UBTD2: variants seen among roughly 807,000 people sequenced by gnomAD.
UBTD2 encodes ubiquitin domain-containing protein 2.
In UBTD2, 9 loss-of-function variants were observed where a neutral mutation model predicts 19.8. The observed-to-expected ratio is 0.46, with a 90% CI of 0.27 to 0.79. UBTD2 has a LOEUF of 0.79. UBTD2 is among the 30% of genes least tolerant of loss of function. The probability of loss-of-function intolerance (pLI) is 0.14; values close to 1 mark genes in which losing one functional copy is unlikely to be tolerated. For synonymous variants in UBTD2, 98 were observed against 103.9 expected (o/e 0.94, Z 0.35); for missense variants, 250 against 300.4 (o/e 0.83, Z 1.24).
intron 1 of UBTD2, among the ~76,000 whole-genome samples, chr5:172,245,009 A>G (rs1171986178): frequency 6.6e-6 from 1 of 152,182 alleles, no homozygotes; most frequent in East Asian, 1.9e-4. Context: ...GATTACAGGC[A>G]TGAGCCACCG....
chr5:172,228,259 C>G lies in UBTD2; in HGVS notation c.307+5863G>C, dbSNP rs1467020567. Among the ~76,000 whole-genome samples, 5 of 152,240 alleles carry G rather than the reference C, an allele frequency of 3.3e-5. No homozygotes were observed. In the South Asian group the frequency reaches 1.0e-3, roughly 32 times the overall value. On this transcript the variant is annotated intron_variant, in intron 2 of 2. Coordinates refer to ENST00000393792, the MANE Select transcript of UBTD2 (RefSeq NM_152277.3). ...GGGAGATGAAATGACTTGTCCAGGG[C>G]ATTGAGTTGCATTAGTTACTGTTAG...
intron 1 of UBTD2, among the ~76,000 whole-genome samples, chr5:172,245,544 T>G (rs1227089101): frequency 6.6e-6 from 1 of 152,022 alleles, no homozygotes; most frequent in African/African-American, 2.4e-5. Flanking sequence ...AAACCTCACC[T>G]CTACTAAAAA....
intron 2 of UBTD2, among the ~76,000 whole-genome samples, chr5:172,222,771 TA>T (rs901908996): frequency 6.6e-6 from 1 of 152,194 alleles, no homozygotes; most frequent in Non-Finnish European, 1.5e-5. Context: ...TTCAATGATG[TA>T]AAATTAATAA....
At chr5:172,274,902 G>A (rs964434579) in intron 1 of UBTD2, among the ~76,000 whole-genome samples, 12 of 152,160 alleles carry the variant, frequency 7.9e-5, no homozygotes, top group Non-Finnish European at 1.8e-4. Context: ...CAGGCATGGT[G>A]GCGGGCGCCT....
intron 2 of UBTD2, among the ~76,000 whole-genome samples, chr5:172,214,502 C>T (rs951810595): frequency 6.6e-6 from 1 of 152,180 alleles, no homozygotes; most frequent in Non-Finnish European, 1.5e-5. Context: ...AGTCCCTATA[C>T]CAGTAACTTC....
intron 2 of UBTD2, among the ~76,000 whole-genome samples, chr5:172,212,527 C>A (rs892091889): frequency 5.3e-5 from 8 of 152,198 alleles, no homozygotes; most frequent in African/African-American, 1.9e-4. Flanking sequence ...AATGCTTACA[C>A]AAGACGTAGA....
At chr5:172,229,394 G>A (rs1419770085) in intron 2 of UBTD2, among the ~76,000 whole-genome samples, 1 of 151,058 alleles carries the variant, frequency 6.6e-6, no homozygotes, top group Non-Finnish European at 1.5e-5. Flanking sequence ...CCAGCTACTT[G>A]GGAGGCTGAG....
chr5:172,279,255 C>T (rs1755665637), intron 1 of UBTD2, among the ~76,000 whole-genome samples: 1 of 152,184 alleles, frequency 6.6e-6, no homozygotes, highest in East Asian at 1.9e-4. Flanking sequence ...TGGCAAAGAA[C>T]AAAACTATTT....
At chr5:172,242,180 T>G (rs1047750129) in intron 1 of UBTD2, among the ~76,000 whole-genome samples, 2 of 149,446 alleles carry the variant, frequency 1.3e-5, no homozygotes, top group Non-Finnish European at 3.0e-5. Context: ...GTGCCATGCT[T>G]CCTGTACAGC....
chr5:172,272,122 T>C (rs932771790), intron 1 of UBTD2, among the ~76,000 whole-genome samples: 1 of 152,228 alleles, frequency 6.6e-6, no homozygotes, highest in Admixed American at 6.5e-5. Context: ...ACTTCTAAGT[T>C]TCACTGCAAA....
intron 1 of UBTD2, among the ~76,000 whole-genome samples, chr5:172,265,413 C>A (rs780299644): frequency 1.2e-4 from 18 of 152,194 alleles, no homozygotes; most frequent in Non-Finnish European, 1.9e-4. Flanking sequence ...TGGCTCACTG[C>A]AAGCTCCGCC....
intron 2 of UBTD2, among the ~76,000 whole-genome samples, chr5:172,224,885 T>C (rs1220270717): frequency 3.9e-5 from 6 of 152,228 alleles, no homozygotes; most frequent in African/African-American, 1.2e-4. Flanking sequence ...ACTCTAAAAG[T>C]TGACAATACA....
chr5:172,212,558 G>T (rs1438292918), intron 2 of UBTD2, among the ~76,000 whole-genome samples: 1 of 152,126 alleles, frequency 6.6e-6, no homozygotes, highest in Non-Finnish European at 1.5e-5. Flanking sequence ...ATTACATTAG[G>T]ATATCTTTTA....
chr5:172,226,910 G>C (rs1771777643), intron 2 of UBTD2, among the ~76,000 whole-genome samples: 1 of 152,206 alleles, frequency 6.6e-6, no homozygotes, highest in Non-Finnish European at 1.5e-5. Context: ...TAAGTGAAAA[G>C]TGGCTTAACC....
chr5:172,251,314 C>CAA (rs57577423), intron 1 of UBTD2, among the ~76,000 whole-genome samples: 93 of 118,208 alleles, frequency 7.9e-4, no homozygotes, highest in Middle Eastern at 8.3e-3. Context: ...GAGCCTATCT[C>CAA]AAAAAAAAAA....
rs143401616 is a variant in UBTD2 at position 172,209,831 on chromosome 5, T to A, written c.*1999A>T. ...ATTCAAAGCATATGTTCCTTTAAAA[T>A]AAAATAAACTCTTAAAAAGAGAGCT... On this transcript the variant is annotated 3_prime_UTR_variant, in exon 3 of 3. Transcript: ENST00000393792. 34 of 152,566 alleles carry A rather than the reference T, an allele frequency of 2.2e-4. 1 individual carries two copies. The East Asian group carries it at 6.6e-3, about 29-fold the overall frequency. The allele number at this position is 152,566 out of a possible 1,614,324, so 9.5% of individuals were successfully genotyped here.
rs1378130659 is a variant in UBTD2 at position 172,211,507 on chromosome 5, A to G, written c.*323T>C. 1 of 212,490 alleles carries G rather than the reference A, an allele frequency of 4.7e-6. No homozygotes were observed. Among genetic ancestry groups the G allele is most frequent in the African/African-American group, 2.3e-5 (1 of 43,872 alleles). 13.2% of individuals were successfully genotyped at this position (212,490 alleles called of 1,614,324 possible). A position where few individuals can be genotyped will look rare whatever the true frequency, so the allele number is the denominator to read the frequency against. ...CTTGGTGCTGTCCTTCATGGATGCA[A>G]TGTTTCATTTACAGTCCAAGTCACT... On this transcript the variant is annotated 3_prime_UTR_variant, in exon 3 of 3. Coordinates refer to ENST00000393792, the MANE Select transcript of UBTD2 (RefSeq NM_152277.3).
intron 1 of UBTD2, among the ~76,000 whole-genome samples, chr5:172,278,420 G>A (rs1755649403): frequency 6.6e-6 from 1 of 152,034 alleles, no homozygotes; most frequent in South Asian, 2.1e-4. Context: ...TCGGAGGGCT[G>A]AGACAGGAGA....
chr5:172,279,747 C>A (rs1755672870), intron 1 of UBTD2, among the ~76,000 whole-genome samples: 1 of 152,216 alleles, frequency 6.6e-6, no homozygotes, highest in Admixed American at 6.5e-5. Flanking sequence ...GGATTTAATT[C>A]CTTAGCAAAT....
Sources: gnomAD v4.1 joint callset for allele counts (sites outside exome capture counted in the v4.1 genomes callset) on GRCh38, gnomAD v4.1.1 for gene constraint, MANE v1.5 for transcripts, NCBI Gene and HGNC (gene_info 2026-07-23, HGNC 2026-07-21) for gene names.